SKAP2: variants seen among roughly 807,000 people sequenced by gnomAD.
The protein encoded by SKAP2 is src kinase-associated phosphoprotein 2.
Under a neutral mutation model 54.9 loss-of-function variants are expected in SKAP2, and 28 were observed. The ratio of observed to expected loss-of-function variants is 0.51; its 90% CI spans 0.38 to 0.70. The LOEUF (loss-of-function observed/expected upper bound fraction) is 0.70. Among genes scored for constraint, SKAP2 ranks in the 30% least tolerant of loss-of-function variants. SKAP2 has a pLI of 0.00. For synonymous variants in SKAP2, 137 were observed against 134.3 expected, an observed-to-expected ratio of 1.02 and a Z score of -0.14; for missense variants, 356 against 424.1, an observed-to-expected ratio of 0.84 and a Z score of 1.41.
intron 9 of SKAP2, 103 bp from the exon 10 acceptor site, chr7:26,690,465 A>C: frequency 1.5e-6 from 1 of 682,498 alleles, no homozygotes; most frequent in Non-Finnish European, 2.6e-6. Context: ...TATAACACAT[A>C]AACATTATTT....
chr7:26,861,859 AG>A lies in SKAP2; in HGVS notation c.67+2503del, dbSNP rs550730146. 7.4e-3 allele frequency among the ~76,000 whole-genome samples: 1,131 copies of A among 152,106 alleles called. 23 individuals are homozygous for A. Among genetic ancestry groups the A allele is most frequent in the Non-Finnish European group, 8.6e-3 (586 of 67,874 alleles). On this transcript the variant is annotated intron_variant, in intron 1 of 12. Coordinates refer to ENST00000345317, the MANE Select transcript of SKAP2 (RefSeq NM_003930.5). ...TTTAATAGGCATATGGAACACAAAC[AG>A]ATACATCTAAGCAACATTATTTTAA...
At chr7:26,761,273 A>G (rs1294619068) in intron 4 of SKAP2, among the ~76,000 whole-genome samples, 1 of 152,224 alleles carries the variant, frequency 6.6e-6, no homozygotes, top group Non-Finnish European at 1.5e-5. Flanking sequence ...TGCAATTAAA[A>G]AATTTAATAA....
At chr7:26,845,261 C>G (rs914867950) in intron 3 of SKAP2, among the ~76,000 whole-genome samples, 2 of 152,048 alleles carry the variant, frequency 1.3e-5, no homozygotes, top group Admixed American at 1.3e-4. Context: ...CCTCTGACAC[C>G]CATTTGATGG....
intron 4 of SKAP2, among the ~76,000 whole-genome samples, chr7:26,786,010 AT>A (rs1783536502): frequency 6.6e-6 from 1 of 152,152 alleles, no homozygotes; most frequent in African/African-American, 2.4e-5. Flanking sequence ...AGATGCAGAC[AT>A]GAGTTGGGCA....
At chr7:26,842,369 A>G (rs1472672760) in intron 4 of SKAP2, among the ~76,000 whole-genome samples, 1 of 151,568 alleles carries the variant, frequency 6.6e-6, no homozygotes. Context: ...TATATGATAA[A>G]TTATTTACTA....
At chr7:26,792,875 T>C (rs1326724791) in intron 4 of SKAP2, among the ~76,000 whole-genome samples, 1 of 152,158 alleles carries the variant, frequency 6.6e-6, no homozygotes, top group East Asian at 1.9e-4. Flanking sequence ...TGCAAGGACT[T>C]TTCATATTTC....
chr7:26,765,266 C>A (rs1783026413), intron 4 of SKAP2, among the ~76,000 whole-genome samples: 1 of 152,146 alleles, frequency 6.6e-6, no homozygotes. Flanking sequence ...TTTTTGGCCA[C>A]ATATATGTCT....
intron 4 of SKAP2, among the ~76,000 whole-genome samples, chr7:26,770,774 T>G (rs923865824): frequency 6.6e-6 from 1 of 152,168 alleles, no homozygotes; most frequent in African/African-American, 2.4e-5. Flanking sequence ...CTCACCCTCC[T>G]TGGGCTGCAT....
intron 3 of SKAP2, among the ~76,000 whole-genome samples, chr7:26,845,744 C>A (rs1457387097): frequency 6.6e-6 from 1 of 152,020 alleles, no homozygotes; most frequent in Non-Finnish European, 1.5e-5. Flanking sequence ...CCAGGCTGGG[C>A]AACATAGCAA....
At position 26,750,123 on chromosome 7, in the gene SKAP2, C is replaced by T. The variant is rs910561866; in HGVS notation, c.308-10159G>A. Among the ~76,000 whole-genome samples the T allele has an allele frequency of 5.3e-5, 8 of 152,068 alleles. No homozygotes were observed. The East Asian group carries it at 9.7e-4, about 18-fold the overall frequency. ...GCCCATTTTCTGAAATGCTATGTTC[C>T]ACTGCTGATGGAATAAATGAATGCC... On this transcript the variant is annotated intron_variant, in intron 4 of 12. Coordinates refer to ENST00000345317, the MANE Select transcript of SKAP2 (RefSeq NM_003930.5).
intron 4 of SKAP2, among the ~76,000 whole-genome samples, chr7:26,784,454 C>A (rs1390899120): frequency 3.9e-5 from 6 of 152,182 alleles, no homozygotes; most frequent in East Asian, 1.9e-4. Context: ...TGAAAGCCAG[C>A]GATAAAATAT....
the SKAP2 span, among the ~76,000 whole-genome samples, chr7:26,661,408 A>C: frequency 6.6e-6 from 1 of 152,200 alleles, no homozygotes; most frequent in Admixed American, 6.5e-5. Flanking sequence ...AGTTCATAAA[A>C]GGATTAGACA....
intron 4 of SKAP2, among the ~76,000 whole-genome samples, chr7:26,768,327 TC>T (rs1783109288): frequency 6.6e-6 from 1 of 151,218 alleles, no homozygotes; most frequent in South Asian, 2.1e-4. Flanking sequence ...TATTCCTCCA[TC>T]CCTTTATTTT....
At chr7:26,828,339 G>A (rs921423769) in intron 4 of SKAP2, among the ~76,000 whole-genome samples, 2 of 152,076 alleles carry the variant, frequency 1.3e-5, no homozygotes, top group African/African-American at 4.8e-5. Flanking sequence ...TCTTTTTAAC[G>A]AACGATGTTA....
chr7:26,705,474 A>C (rs982292437), intron 9 of SKAP2, among the ~76,000 whole-genome samples: 1 of 152,222 alleles, frequency 6.6e-6, no homozygotes, highest in Admixed American at 6.5e-5. Context: ...TCTACTTAAG[A>C]GCATAATGTT....
Position 26,844,156 on chromosome 7 carries a change from ATCAG to A in SKAP2, c.200-23_200-20del. The A allele has an allele frequency of 1.1e-5, 15 of 1,379,978 alleles. No homozygotes were observed. The highest frequency in any genetic ancestry group is 2.3e-5 in the East Asian group (1 of 43,568). The allele number at this position is 1,379,978 out of a possible 1,614,324, so 85.5% of individuals were successfully genotyped here. A position where few individuals can be genotyped will look rare whatever the true frequency, so the allele number is the denominator to read the frequency against. ...GCATCACCTGTTAAAAAAAAAAAAA[ATCAG>A]AGAACTGCCTTTTATACTTTAGCCA... On this transcript the variant is annotated intron_variant, in intron 3 of 12. Transcript: ENST00000345317.
intron 9 of SKAP2, among the ~76,000 whole-genome samples, chr7:26,705,610 T>C (rs1441569873): frequency 6.6e-6 from 1 of 152,202 alleles, no homozygotes; most frequent in African/African-American, 2.4e-5. Flanking sequence ...CATATGACCC[T>C]TTACTTAGCT....
intron 6 of SKAP2, among the ~76,000 whole-genome samples, chr7:26,735,073 G>C (rs1488787653): frequency 1.3e-5 from 2 of 152,074 alleles, no homozygotes; most frequent in Non-Finnish European, 2.9e-5. Context: ...GAAATGGTCA[G>C]TTTACCTGCC....
At chr7:26,696,049 A>C (rs1786888437) in intron 9 of SKAP2, among the ~76,000 whole-genome samples, 1 of 152,192 alleles carries the variant, frequency 6.6e-6, no homozygotes, top group African/African-American at 2.4e-5. Context: ...GTTAGAGTCG[A>C]ATCTAAGGGG....
Sources: allele counts gnomAD v4.1 joint callset (sites outside exome capture counted in the v4.1 genomes callset), GRCh38; gene constraint gnomAD v4.1.1; transcripts MANE v1.5; gene names NCBI Gene and HGNC (gene_info 2026-07-23, HGNC 2026-07-21).